Variants in FBXO28 observed in about 807,000 individuals in gnomAD.
The protein encoded by FBXO28 is F-box only protein 28.
A neutral mutation model predicts 38.1 loss-of-function variants in FBXO28; 8 were observed. The observed-to-expected ratio is 0.21, with a 90% CI of 0.12 to 0.38. The LOEUF is 0.38. Ranked by LOEUF, FBXO28 falls within the 10% of genes least tolerant of loss-of-function variation. The probability of loss-of-function intolerance (pLI) is 1.00; values close to 1 mark genes in which losing one functional copy is unlikely to be tolerated. For missense variants in FBXO28, 345 were observed against 460.6 expected (o/e 0.75, Z 2.30); for synonymous variants, 168 against 173.8 (o/e 0.97, Z 0.26).
rs1387447202 is a variant in FBXO28 at position 224,160,493 on chromosome 1, A to G, written c.*2747A>G. The G allele has an allele frequency of 2.0e-5, 3 of 152,148 alleles. No homozygotes were observed. Among genetic ancestry groups the G allele is most frequent in the African/African-American group, 7.2e-5 (3 of 41,446 alleles). 9.4% of individuals were successfully genotyped at this position (152,148 alleles called of 1,614,324 possible). A position where few individuals can be genotyped will look rare whatever the true frequency, so the allele number is the denominator to read the frequency against. The stretch of plus-strand genomic sequence containing the variant: ...TGAAAAGGCATGCCTAAGAGACAGA[A>G]ACGGCTGACCTTACCCCACCCCAGC... On this transcript the variant is annotated 3_prime_UTR_variant, in exon 5 of 5. Coordinates refer to ENST00000366862, the MANE Select transcript of FBXO28 (RefSeq NM_015176.4).
chr1:224,152,816 C>T (rs1657677513), intron 3 of FBXO28, among the ~76,000 whole-genome samples: 1 of 150,818 alleles, frequency 6.6e-6, no homozygotes, highest in Non-Finnish European at 1.5e-5. Flanking sequence ...GTAATCCCAG[C>T]TACTTAGGAG....
intron 1 of FBXO28, among the ~76,000 whole-genome samples, chr1:224,119,643 C>A (rs1656727642): frequency 1.3e-5 from 2 of 152,128 alleles, no homozygotes; most frequent in Non-Finnish European, 2.9e-5. Flanking sequence ...AGCACACTTA[C>A]ACAGCATCAG....
At chr1:224,141,496 A>G (rs1657349562) in intron 3 of FBXO28, among the ~76,000 whole-genome samples, 1 of 151,704 alleles carries the variant, frequency 6.6e-6, no homozygotes, top group Non-Finnish European at 1.5e-5. Context: ...AGATGCAATC[A>G]TGCGTCATTT....
chr1:224,159,984 A>G lies in FBXO28; in HGVS notation c.*2238A>G, dbSNP rs1281595177. Reference sequence around the variant, plus strand: ...CAAATTTCTATTGCATACACTTATAATCATCTATTCATAAAGCTAATTCAT... The same window carrying G: ...CAAATTTCTATTGCATACACTTATAGTCATCTATTCATAAAGCTAATTCAT... On this transcript the variant is annotated 3_prime_UTR_variant, in exon 5 of 5. Coordinates refer to ENST00000366862, the MANE Select transcript of FBXO28 (RefSeq NM_015176.4). 1 of 152,190 alleles carries G rather than the reference A, an allele frequency of 6.6e-6. No individual in the cohort carries two copies. The allele number at this position is 152,190 out of a possible 1,614,324, so 9.4% of individuals were successfully genotyped here. A position where few individuals can be genotyped will look rare whatever the true frequency, so the allele number is the denominator to read the frequency against.
intron 1 of FBXO28, among the ~76,000 whole-genome samples, chr1:224,119,139 T>TTTTC (rs1656714769): frequency 7.2e-6 from 1 of 138,320 alleles, no homozygotes; most frequent in South Asian, 2.4e-4. Flanking sequence ...TTTTTTCTTT[T>TTTTC]TTTTTTTTTT....
chr1:224,158,553 TA>T lies in FBXO28; in HGVS notation c.*808del, dbSNP rs1657823899. On this transcript the variant is annotated 3_prime_UTR_variant, in exon 5 of 5. Transcript: ENST00000366862. ...ATCTTCCACCGCAACAGCTTGCCTC[TA>T]GAGGGGGAATTGTTCATCCATTTGT... 6.6e-6 allele frequency: 1 copy of T among 152,614 alleles called. No homozygotes were observed. The highest frequency in any genetic ancestry group is 1.5e-5 in the Non-Finnish European group (1 of 68,054). 9.5% of individuals were successfully genotyped at this position (152,614 alleles called of 1,614,324 possible).
intron 4 of FBXO28, among the ~76,000 whole-genome samples, chr1:224,154,034 G>A (rs1657710183): frequency 6.6e-6 from 1 of 152,146 alleles, no homozygotes; most frequent in Non-Finnish European, 1.5e-5. Flanking sequence ...GGAGTTCAAG[G>A]TGAAAAGTTA....
intron 1 of FBXO28, among the ~76,000 whole-genome samples, chr1:224,119,439 ACTGATTTTTT>A (rs1331961710): frequency 6.6e-6 from 1 of 151,598 alleles, no homozygotes; most frequent in Non-Finnish European, 1.5e-5. Flanking sequence ...GCCCGGCCCC[ACTGATTTTTT>A]CTTGTATTTT....
At chr1:224,137,017 G>T (rs1263074915) in intron 3 of FBXO28, among the ~76,000 whole-genome samples, 12 of 151,510 alleles carry the variant, frequency 7.9e-5, no homozygotes, top group Admixed American at 7.9e-4. Flanking sequence ...CTCCCAAAGT[G>T]CTGGGATTAC....
chr1:224,140,629 A>G (rs1324739101), intron 3 of FBXO28, among the ~76,000 whole-genome samples: 1 of 152,164 alleles, frequency 6.6e-6, no homozygotes, highest in Non-Finnish European at 1.5e-5. Flanking sequence ...TAAAAAAAAT[A>G]AAAGTCTGTT....
chr1:224,154,619 T>C (rs761831309), intron 4 of FBXO28, among the ~76,000 whole-genome samples: 7 of 151,846 alleles, frequency 4.6e-5, no homozygotes, highest in Non-Finnish European at 8.8e-5. Flanking sequence ...CCATCCTGGC[T>C]AACATGGTGA....
intron 2 of FBXO28, 64 bp downstream of exon 2, chr1:224,130,645 T>C (rs1657017417): frequency 1.2e-5 from 13 of 1,091,484 alleles, no homozygotes; most frequent in Non-Finnish European, 1.8e-5. Context: ...GACTTCTTTT[T>C]TTCAGTCTCA....
chr1:224,156,640 G>A (rs964632978), intron 4 of FBXO28, among the ~76,000 whole-genome samples: 3 of 152,154 alleles, frequency 2.0e-5, no homozygotes, highest in South Asian at 2.1e-4. Flanking sequence ...GATTAGAAAC[G>A]TGCAACCTGT....
chr1:224,117,125 C>T (rs1656659212), intron 1 of FBXO28, among the ~76,000 whole-genome samples: 1 of 151,326 alleles, frequency 6.6e-6, no homozygotes, highest in African/African-American at 2.4e-5. Flanking sequence ...CAACGTGAGC[C>T]GAGATCGCCG....
At chr1:224,132,976 A>G (rs925557653) in intron 2 of FBXO28, among the ~76,000 whole-genome samples, 24 of 152,224 alleles carry the variant, frequency 1.6e-4, no homozygotes, top group African/African-American at 5.5e-4. Context: ...AATAGCCAAA[A>G]AGTGGAGACA....
At chr1:224,131,905 G>A (rs930689671) in intron 2 of FBXO28, among the ~76,000 whole-genome samples, 2 of 152,164 alleles carry the variant, frequency 1.3e-5, no homozygotes, top group African/African-American at 4.8e-5. Context: ...CGTAAATCAT[G>A]TATCCAGATT....
chr1:224,146,066 CAA>C (rs577982501), intron 3 of FBXO28, among the ~76,000 whole-genome samples: 11 of 106,392 alleles, frequency 1.0e-4, no homozygotes, highest in African/African-American at 1.0e-4. Flanking sequence ...AACTCCTTCT[CAA>C]AAAAAAAAAA....
intron 1 of FBXO28, among the ~76,000 whole-genome samples, chr1:224,126,433 A>G (rs1379975509): frequency 6.6e-6 from 1 of 152,246 alleles, no homozygotes; most frequent in African/African-American, 2.4e-5. Context: ...TGTAGAGTCT[A>G]CAGAGACAAG....
intron 1 of FBXO28, among the ~76,000 whole-genome samples, chr1:224,123,707 TG>T (rs1362214567): frequency 6.6e-6 from 1 of 152,180 alleles, no homozygotes; most frequent in Non-Finnish European, 1.5e-5. Flanking sequence ...CCAATTATAA[TG>T]CTAAGACATT....
Sources: gnomAD v4.1 joint callset for allele counts (sites outside exome capture counted in the v4.1 genomes callset) on GRCh38, gnomAD v4.1.1 for gene constraint, MANE v1.5 for transcripts, NCBI Gene and HGNC (gene_info 2026-07-23, HGNC 2026-07-21) for gene names.